Variants in LINGO2 observed in about 807,000 individuals in gnomAD.
The protein encoded by LINGO2 is leucine-rich repeat and immunoglobulin-like domain-containing nogo receptor-interacting protein 2.
Under a neutral mutation model 30.6 loss-of-function variants are expected in LINGO2, and 14 were observed. The ratio of observed to expected loss-of-function variants is 0.46; its 90% CI spans 0.30 to 0.72. The LOEUF is 0.72. LINGO2 is among the 30% of genes least tolerant of loss of function. The pLI is 0.07. For synonymous variants in LINGO2, 317 were observed against 288.5 expected (o/e 1.10, Z -1.00); for missense variants, 729 against 751.7 (o/e 0.97, Z 0.35).
At chr9:29,131,281 C>T in the LINGO2 span, among the ~76,000 whole-genome samples, 5 of 151,958 alleles carry the variant, frequency 3.3e-5, no homozygotes, top group African/African-American at 9.7e-5. Context: ...CTGTGTATAC[C>T]GGGACCATGC....
the LINGO2 span, among the ~76,000 whole-genome samples, chr9:28,840,873 C>T: frequency 6.6e-6 from 1 of 151,714 alleles, no homozygotes; most frequent in African/African-American, 2.4e-5. Flanking sequence ...TACATTCTTC[C>T]TCTCATTTAT....
At chr9:28,118,130 C>T (rs939157077) in intron 4 of LINGO2, among the ~76,000 whole-genome samples, 2 of 151,996 alleles carry the variant, frequency 1.3e-5, no homozygotes, top group Non-Finnish European at 2.9e-5. Flanking sequence ...CTAACACATG[C>T]TGGGCTTAAT....
the LINGO2 span, among the ~76,000 whole-genome samples, chr9:28,731,403 T>C: frequency 2.0e-5 from 3 of 152,152 alleles, no homozygotes; most frequent in African/African-American, 7.2e-5. Flanking sequence ...AATAACTTGG[T>C]TGAATCTCCA....
intron 3 of LINGO2, among the ~76,000 whole-genome samples, chr9:28,370,042 C>T (rs1820834242): frequency 6.6e-6 from 1 of 152,138 alleles, no homozygotes. Flanking sequence ...AGAAGAGCTA[C>T]ATCCTATTTT....
intron 2 of LINGO2, among the ~76,000 whole-genome samples, chr9:28,441,494 T>C (rs1824197916): frequency 6.6e-6 from 1 of 151,940 alleles, no homozygotes; most frequent in Admixed American, 6.6e-5. Context: ...AGGCACTTAT[T>C]GAAAAAGCAG....
intron 5 of LINGO2, among the ~76,000 whole-genome samples, chr9:27,964,971 G>C (rs1385221867): frequency 1.3e-5 from 2 of 152,004 alleles, no homozygotes; most frequent in Non-Finnish European, 2.9e-5. Flanking sequence ...AAAACCTCTG[G>C]AAATGCAGAG....
intron 1 of LINGO2, among the ~76,000 whole-genome samples, chr9:28,596,275 C>T (rs1039226175): frequency 2.0e-5 from 3 of 152,054 alleles, no homozygotes; most frequent in Non-Finnish European, 2.9e-5. Context: ...ATTTTCTTGG[C>T]CACAGGGTTC....
chr9:28,566,858 A>G (rs1823410501), intron 1 of LINGO2, among the ~76,000 whole-genome samples: 1 of 152,194 alleles, frequency 6.6e-6, no homozygotes, highest in Non-Finnish European at 1.5e-5. Context: ...CATCTAAAAT[A>G]TTTTTGATAG....
At chr9:28,345,864 A>T (rs753920852) in intron 3 of LINGO2, among the ~76,000 whole-genome samples, 5 of 152,212 alleles carry the variant, frequency 3.3e-5, no homozygotes, top group Non-Finnish European at 7.3e-5. Flanking sequence ...TTCCTAAACA[A>T]AAATAGCAAA....
the LINGO2 span, among the ~76,000 whole-genome samples, chr9:28,855,662 C>G: frequency 6.6e-6 from 1 of 152,080 alleles, no homozygotes. Context: ...CATACACACA[C>G]ACACATACAC....
At chr9:29,153,022 T>C in the LINGO2 span, among the ~76,000 whole-genome samples, 1 of 152,096 alleles carries the variant, frequency 6.6e-6, no homozygotes, top group Non-Finnish European at 1.5e-5. Flanking sequence ...GGCATACGAC[T>C]ACAGAGTTCT....
intron 3 of LINGO2, among the ~76,000 whole-genome samples, chr9:28,321,874 C>T (rs187064432): frequency 4.0e-5 from 6 of 151,556 alleles, no homozygotes; most frequent in East Asian, 1.9e-4. Context: ...TTAGGACAGG[C>T]GATGGAAAGC....
At chr9:28,885,091 G>T in the LINGO2 span, among the ~76,000 whole-genome samples, 1 of 140,916 alleles carries the variant, frequency 7.1e-6, no homozygotes, top group Non-Finnish European at 1.5e-5. Context: ...GCACTGCAGG[G>T]TCCCCTCCCT....
At chr9:28,638,072 A>G (rs559899961) in intron 1 of LINGO2, among the ~76,000 whole-genome samples, 1 of 152,294 alleles carries the variant, frequency 6.6e-6, no homozygotes, top group South Asian at 2.1e-4. Flanking sequence ...GCATCTATTG[A>G]GATAATCACG....
the LINGO2 span, among the ~76,000 whole-genome samples, chr9:29,189,987 C>CAGAGGGAGACCGTGGAAAGAGAGGA: frequency 5.1e-5 from 7 of 136,700 alleles, no homozygotes; most frequent in African/African-American, 8.2e-5. Context: ...GGCTGGGCAT[C>CAGAGGGAGACCGTGGAAAGAGAGGA]AGAGGGAGAC....
rs141540074 is a variant in LINGO2, at chr9:28,484,269, G to T, written c.-364-8244C>A. ...ATACCAGCTTTTGTTGACAAGGAGG[G>T]CCCATAATGTGGTTCTCTTAGCACC... On this transcript the variant is annotated intron_variant, in intron 1 of 5. Coordinates refer to ENST00000379992, the Ensembl canonical transcript of LINGO2. Among the ~76,000 whole-genome samples the T allele has an allele frequency of 1.2e-3, 189 of 152,112 alleles. 2 individuals are homozygous for T. The highest frequency in any genetic ancestry group is 4.4e-3 in the African/African-American group (182 of 41,518).
the LINGO2 span, among the ~76,000 whole-genome samples, chr9:28,775,304 A>G: frequency 1.3e-5 from 2 of 152,176 alleles, no homozygotes; most frequent in Non-Finnish European, 2.9e-5. Context: ...GGAGAAGCAC[A>G]TCATTGGTTC....
chr9:28,300,753 G>T (rs535705179), intron 3 of LINGO2, among the ~76,000 whole-genome samples: 1 of 151,766 alleles, frequency 6.6e-6, no homozygotes, highest in East Asian at 1.9e-4. Flanking sequence ...TATGCAATAT[G>T]CTAGGCTCAG....
chr9:29,177,014 TA>T, the LINGO2 span, among the ~76,000 whole-genome samples: 1 of 152,172 alleles, frequency 6.6e-6, no homozygotes, highest in Non-Finnish European at 1.5e-5. Flanking sequence ...AGCACATATA[TA>T]ATAAATGCTC....
Sources: allele counts gnomAD v4.1 joint callset (sites outside exome capture counted in the v4.1 genomes callset), GRCh38; gene constraint gnomAD v4.1.1; transcripts MANE v1.5; gene names NCBI Gene and HGNC (gene_info 2026-07-23, HGNC 2026-07-21).